The following PLOD3 variants were observed in gnomAD, a reference collection of about 807,000 sequenced individuals.
PLOD3 encodes multifunctional procollagen lysine hydroxylase and glycosyltransferase LH3.
A neutral mutation model predicts 96.9 loss-of-function variants in PLOD3; 73 were observed. That is an observed-to-expected ratio of 0.75 (90% CI 0.62 to 0.92). The LOEUF is 0.92. Among genes scored for constraint, PLOD3 ranks in the 40% least tolerant of loss-of-function variants. The pLI is 0.00. For synonymous variants in PLOD3, 454 were observed against 413.7 expected, an observed-to-expected ratio of 1.10 and a Z score of -1.18; for missense variants, 1,004 against 1,004.3, an observed-to-expected ratio of 1.00 and a Z score of 0.00.
intron 7 of PLOD3, 42 bp from the exon 8 acceptor site, chr7:101,212,985 G>A: frequency 2.0e-6 from 3 of 1,463,746 alleles, no homozygotes; most frequent in Non-Finnish European, 2.9e-6. Context: ...AGGCCTCCAG[G>A]GGTGGAGGTG....
chr7:101,212,747 G>A, intron 8 of PLOD3, 92 bp from the exon 9 acceptor site: 1 of 1,588,722 alleles, frequency 6.3e-7, no homozygotes, highest in East Asian at 2.2e-5. Flanking sequence ...CAGGGACCCA[G>A]GAGCGATGCC....
chr7:101,212,871 G>C lies in PLOD3; in HGVS notation c.850C>G (p.Gln284Glu), dbSNP rs775078833. 6 of 1,613,436 alleles carry C rather than the reference G, an allele frequency of 3.7e-6. No homozygotes were observed. The East Asian group carries it at 6.7e-5, about 18-fold the overall frequency. Residue 284 changes from glutamine (Q) to glutamate (E), a missense_variant, in exon 8 of 19, where the codon CAG (glutamine) becomes GAG (glutamate). Physicochemically the swap from Gln to Glu is conservative, Grantham distance 29. Around this residue, in one of 5 missense-constraint regions of PLOD3, gnomAD observed 690 missense variants for 650.2 expected, o/e 1.06. Coordinates refer to ENST00000223127, the MANE Select transcript of PLOD3 (RefSeq NM_001084.5). ...TPEGGCGFCN[Q>E]DRRTLPGGQP... is the part of the protein sequence containing the mutation. ...CCCCCCGGGAGTGTCCTCCGGTCCT[G>C]GTTGCAGAAGCCACAGCCTCCCTCA...
chr7:101,207,574 G>A lies in PLOD3; in HGVS notation c.1935+4C>T, dbSNP rs200173573. 171 of 1,613,504 alleles carry A rather than the reference G, an allele frequency of 1.1e-4. No individual in the cohort carries two copies. Among genetic ancestry groups the A allele is most frequent in the Non-Finnish European group, 8.7e-5 (103 of 1,179,538 alleles). On this transcript the variant is annotated splice_donor_region_variant and intron_variant, in intron 17 of 18. Coordinates refer to ENST00000223127, the MANE Select transcript of PLOD3 (RefSeq NM_001084.5). ...GGGAGGCAGCTGGCAGGTGGGCAGC[G>A]CACCTTGGTGTGGTAACCGGGAAAC...
chr7:101,206,400 TCA>T lies in PLOD3; in HGVS notation c.2096_2097del (p.Val699AspfsTer?), dbSNP rs1268576956. 5 of 1,612,898 alleles carry T rather than the reference TCA, an allele frequency of 3.1e-6. No homozygotes were observed. Among genetic ancestry groups the T allele is most frequent in the Non-Finnish European group, 4.2e-6 (5 of 1,179,676 alleles). ...GGCRFLRYDC[V>X]ISSPRKGWAL... ...GCCCAGCCCTTCCTCGGGGAGGAGA[TCA>T]CACAGTCGTAGCGCAGGAAGCGGCA... is the stretch of plus-strand genomic sequence containing the variant. On this transcript the variant is annotated frameshift_variant, in exon 19 of 19. Coordinates refer to ENST00000223127, the MANE Select transcript of PLOD3 (RefSeq NM_001084.5). LOFTEE classifies it low-confidence loss of function (END_TRUNC).
chr7:101,212,352 A>G lies in PLOD3; in HGVS notation c.1028T>C (p.Ile343Thr). 1 of 1,613,300 alleles carries G rather than the reference A, an allele frequency of 6.2e-7. No homozygotes were observed. The highest frequency in any genetic ancestry group is 8.5e-7 in the Non-Finnish European group (1 of 1,179,798). The change falls in exon 10 of 19, where the codon ATC (isoleucine) becomes ACC (threonine). Residue 343 changes from isoleucine (I) to threonine (T), a missense_variant. By Grantham distance (89) the Ile-to-Thr change is moderately conservative (BLOSUM62 -1). Transcript: ENST00000223127. ...HNNEVFHEPHIADSWPQLQDH... is the reference protein window; with the variant it reads ...HNNEVFHEPHTADSWPQLQDH... ...CTGGAGCTGCGGCCAGGAGTCAGCG[A>G]TGTGGGGTTCATGGAAGACCTCCTG...
At chr7:101,214,402 A>G (rs1055215333) in intron 6 of PLOD3, among the ~76,000 whole-genome samples, 1 of 151,880 alleles carries the variant, frequency 6.6e-6, no homozygotes, top group Non-Finnish European at 1.5e-5. Context: ...AAATGTTGGG[A>G]TTACAGGCGT....
In PLOD3 at chr7:101,207,740, A is replaced by C; in HGVS notation, c.1789-16T>G. 6.2e-7 allele frequency: 1 copy of C among 1,612,772 alleles called. No individual in the cohort carries two copies. On this transcript the variant is annotated splice_polypyrimidine_tract_variant and intron_variant, in intron 16 of 18. Coordinates refer to ENST00000223127, the MANE Select transcript of PLOD3 (RefSeq NM_001084.5). ...GCCTTGAATCCTGGGGGCGGCGGGC[A>C]CTGAGCCACCCGCCCCTCCAGCCAT...
rs372150950 is a variant in PLOD3 at position 101,216,171 on chromosome 7, T to C, written c.494A>G (p.Asn165Ser). Residue 165 changes from asparagine to serine, a missense_variant, in exon 4 of 19, where the codon AAT becomes AGT. Asn to Ser is a conservative substitution (Grantham distance 46, BLOSUM62 1). Coordinates refer to ENST00000223127, the MANE Select transcript of PLOD3 (RefSeq NM_001084.5). ...GGCACTCTGCCACTCACCACCAGAATTGAGGAAGCGCTTCCCCGTGCCCAC... is the reference window on the plus strand; with the variant it reads ...GGCACTCTGCCACTCACCACCAGAACTGAGGAAGCGCTTCCCCGTGCCCAC... ...PEVGTGKRFLNSGGFIGFATT... is the reference protein window; with the variant it reads ...PEVGTGKRFLSSGGFIGFATT... The C allele has an allele frequency of 1.4e-5, 23 of 1,613,946 alleles. No individual in the cohort carries two copies. Among genetic ancestry groups the C allele is most frequent in the Admixed American group, 3.3e-5 (2 of 59,984 alleles).
chr7:101,216,250 A>G lies in PLOD3; in HGVS notation c.415T>C (p.Ser139Pro), dbSNP rs745560764. 2 of 1,613,656 alleles carry G rather than the reference A, an allele frequency of 1.2e-6. No homozygotes were observed. Among genetic ancestry groups the G allele is most frequent in the Non-Finnish European group, 1.7e-6 (2 of 1,180,026 alleles). Residue 139 changes from serine to proline, a missense_variant, in exon 4 of 19, where the codon TCT becomes CCT. Physicochemically the swap from Ser to Pro is moderately conservative, Grantham distance 74 (BLOSUM62 -1). Transcript: ENST00000223127. ...FVQSGSRLLF[S>P]AESFCWPEWG... ...TCGGGCCAGCAGAAGCTCTCTGCAG[A>G]GAAGAGCAGGCGGCTGCCACTCTGG...
rs539830737 is a variant in PLOD3, at chr7:101,206,255, G to A, written c.*26C>T. The A allele has an allele frequency of 6.2e-7, 1 of 1,613,006 alleles. No homozygotes were observed. The highest frequency in any genetic ancestry group is 1.1e-5 in the South Asian group (1 of 91,072). On this transcript the variant is annotated 3_prime_UTR_variant, in exon 19 of 19. Transcript: ENST00000223127. ...GCCCCCTAAAAAGGCACAATGGCAG[G>A]GCAGGTTTGGCAGAGTGGTTGAGTG...
Position 101,217,174 on chromosome 7 carries a change from A to C in PLOD3, c.101T>G (p.Val34Gly), listed in dbSNP as rs1237057180. The change falls in exon 1 of 19, where the codon GTC becomes GGC. Residue 34 changes from valine (V) to glycine (G), a missense_variant. Physicochemically the swap from Val to Gly is moderately radical, Grantham distance 109 (BLOSUM62 -3). Transcript: ENST00000223127. ...CCTCCCCGGGATCTCACCTGGGTTG[A>C]CCGGGTCTCGGCCCCGGGGCCGGTC... ...ASDRPRGRDPVNPEKLLVITV... is the reference protein window; with the variant it reads ...ASDRPRGRDPGNPEKLLVITV... The C allele has an allele frequency of 1.3e-6, 2 of 1,486,478 alleles. No homozygotes were observed. Among genetic ancestry groups the C allele is most frequent in the Non-Finnish European group, 1.8e-6 (2 of 1,119,154 alleles). The allele number at this position is 1,486,478 out of a possible 1,614,324, so 92.1% of individuals were successfully genotyped here.
chr7:101,210,863 G>T, intron 12 of PLOD3, 190 bp from the exon 13 acceptor site: 1 of 609,440 alleles, frequency 1.6e-6, no homozygotes, highest in Non-Finnish European at 2.9e-6. Flanking sequence ...ACCCCAAGCT[G>T]TGGCACTTCT....
At position 101,206,191 on chromosome 7, in the gene PLOD3, C is replaced by G; in HGVS notation, c.*90G>C. 1 of 1,269,216 alleles carries G rather than the reference C, an allele frequency of 7.9e-7. No individual in the cohort carries two copies. The highest frequency in any genetic ancestry group is 1.2e-6 in the Non-Finnish European group (1 of 866,284). 78.6% of individuals were successfully genotyped at this position (1,269,216 alleles called of 1,614,324 possible). A position where few individuals can be genotyped will look rare whatever the true frequency, so the allele number is the denominator to read the frequency against. On this transcript the variant is annotated 3_prime_UTR_variant, in exon 19 of 19. Coordinates refer to ENST00000223127, the MANE Select transcript of PLOD3 (RefSeq NM_001084.5). ...AACATGAACTCAGGAAGTGGGGAGA[C>G]AGAGAGACCCATCCCCCAACTCCCA...
rs1584249510 is a variant in PLOD3 at position 101,206,804 on chromosome 7, A to G, written c.2036T>C (p.Leu679Pro). ...CTCATAGTCCAGGCCCTTGTGGTTG[A>G]GGGCAACGTTGAGGGTGAAGGTGGA... is the stretch of plus-strand genomic sequence containing the variant. ...DSSTFTLNVA[L>P]NHKGLDYEGG... Residue 679 changes from leucine to proline, a missense_variant, in exon 18 of 19, where the codon CTC becomes CCC. Physicochemically the swap from Leu to Pro is moderately conservative, Grantham distance 98. Transcript: ENST00000223127. The G allele has an allele frequency of 1.3e-6, 2 of 1,583,372 alleles. No homozygotes were observed. Among genetic ancestry groups the G allele is most frequent in the East Asian group, 2.3e-5 (1 of 43,478 alleles).
rs374925213 is a variant in PLOD3 at position 101,206,848 on chromosome 7, C to T, written c.1992G>A (p.Leu664=). ...VRYRPDEQPS[L]RPHHDSSTFT... Reference sequence around the variant, plus strand: ...AGGTGGATGAGTCGTGGTGTGGCCGCAGAGACGGCTGCTCGTCTGGCCGGT... The same window carrying T: ...AGGTGGATGAGTCGTGGTGTGGCCGTAGAGACGGCTGCTCGTCTGGCCGGT... Residue 664 remains leucine, a synonymous_variant, in exon 18 of 19, where the codon CTG becomes CTA. Transcript: ENST00000223127. 6.4e-6 allele frequency: 10 copies of T among 1,568,782 alleles called. No individual in the cohort carries two copies. Among genetic ancestry groups the T allele is most frequent in the Non-Finnish European group, 8.6e-6 (10 of 1,156,564 alleles).
chr7:101,213,109 T>C lies in PLOD3; in HGVS notation c.775A>G (p.Lys259Glu). 6.2e-7 allele frequency: 1 copy of C among 1,605,336 alleles called. No homozygotes were observed. The highest frequency in any genetic ancestry group is 8.5e-7 in the Non-Finnish European group (1 of 1,172,330). Residue 259 changes from lysine to glutamate, a missense_variant and splice_region_variant, in exon 7 of 19, where the codon AAG (lysine) becomes GAG (glutamate). Coordinates refer to ENST00000223127, the MANE Select transcript of PLOD3 (RefSeq NM_001084.5). ...GGGGTTGAGACCACTGGTGGCACCT[T>C]AGTGGGACCGTTTCCATGGACCACA... ...PIVVHGNGPTKLQLNYLGNYV... is the reference protein window; with the variant it reads ...PIVVHGNGPTELQLNYLGNYV...
intron 18 of PLOD3, 61 bp downstream of exon 18, chr7:101,206,718 C>G (rs1798090227): frequency 1.3e-6 from 2 of 1,543,684 alleles, no homozygotes; most frequent in South Asian, 2.4e-5. Flanking sequence ...CGCAGGGGCT[C>G]TAGGTGGGGA....
At chr7:101,212,158 G>T in intron 10 of PLOD3, 95 bp downstream of exon 10, 1 of 1,502,528 alleles carries the variant, frequency 6.7e-7, no homozygotes, top group Non-Finnish European at 9.2e-7. Context: ...GGGGCTGGAT[G>T]GGTGACAGGT....
At chr7:101,212,178 G>A (rs2116803786) in intron 10 of PLOD3, 75 bp downstream of exon 10, 7 of 1,576,944 alleles carry the variant, frequency 4.4e-6, no homozygotes, top group East Asian at 2.2e-5. Context: ...TGAGGCAAGG[G>A]CCAGGCAGCA....
Sources: gnomAD v4.1 joint callset for allele counts (sites outside exome capture counted in the v4.1 genomes callset) on GRCh38, gnomAD v4.1.1 for gene constraint, gnomAD v4.1.1 regional missense constraint, MANE v1.5 for transcripts, NCBI Gene and HGNC (gene_info 2026-07-23, HGNC 2026-07-21) for gene names.